The following ANO5 variants were observed in gnomAD, a reference collection of about 807,000 sequenced individuals.
ANO5 encodes anoctamin-5.
Under a neutral mutation model 121.0 loss-of-function variants are expected in ANO5, and 109 were observed. That is an observed-to-expected ratio of 0.90 (90% confidence interval 0.77 to 1.06). The LOEUF (loss-of-function observed/expected upper bound fraction) is 1.06, where lower values mean the gene tolerates loss of function less well. Among genes scored for constraint, ANO5 ranks in the 50% least tolerant of loss-of-function variants. ANO5 has a pLI of 0.00. For synonymous variants in ANO5, 406 were observed against 359.9 expected (o/e 1.13, Z -1.45); for missense variants, 1,064 against 1,078.5 (o/e 0.99, Z 0.19).
intron 16 of ANO5, 64 bp downstream of exon 16, chr11:22,262,362 G>A: frequency 3.9e-6 from 6 of 1,554,748 alleles, no homozygotes; most frequent in Non-Finnish European, 5.3e-6. Context: ...AACTTTCTGT[G>A]TGTCAAGCAC....
chr11:22,244,684 C>T (rs1853559231), intron 9 of ANO5, among the ~76,000 whole-genome samples: 1 of 151,214 alleles, frequency 6.6e-6, no homozygotes, highest in African/African-American at 2.4e-5. Flanking sequence ...TTAATGCTTC[C>T]TGTTGTATTA....
intron 9 of ANO5, among the ~76,000 whole-genome samples, chr11:22,248,986 A>C (rs1051882277): frequency 2.0e-5 from 3 of 152,034 alleles, no homozygotes; most frequent in Non-Finnish European, 4.4e-5. Flanking sequence ...TTTCAGAAAA[A>C]AACTGGGAGA....
intron 17 of ANO5, among the ~76,000 whole-genome samples, chr11:22,267,642 G>T (rs1388184147): frequency 8.2e-6 from 1 of 121,870 alleles, no homozygotes; most frequent in African/African-American, 3.2e-5. Flanking sequence ...ACTGTTCAGA[G>T]GTACATGTGC....
chr11:22,227,127 TG>T lies in ANO5; in HGVS notation c.364-174del, dbSNP rs1323053182. ...ATATGTATACATATATACATGTTTTTGTAACTATATGTTTTGTGAATTTTGT... is the reference window on the plus strand; with the variant it reads ...ATATGTATACATATATACATGTTTTTTAACTATATGTTTTGTGAATTTTGT... On this transcript the variant is annotated intron_variant, in intron 6 of 21. Coordinates refer to ENST00000324559, the MANE Select transcript of ANO5 (RefSeq NM_213599.3). 7.3e-5 allele frequency among the ~76,000 whole-genome samples: 11 copies of T among 150,974 alleles called. No individual in the cohort carries two copies. The East Asian group carries it at 2.1e-3, about 29-fold the overall frequency.
At chr11:22,276,268 C>A (rs945652516) in intron 21 of ANO5, 69 bp downstream of exon 21, 1 of 1,277,890 alleles carries the variant, frequency 7.8e-7, no homozygotes, top group Non-Finnish European at 1.1e-6. Flanking sequence ...TAAAGGTAAC[C>A]TCTCATCAGA....
At chr11:22,227,987 C>T (rs780623175) in intron 7 of ANO5, among the ~76,000 whole-genome samples, 6 of 152,006 alleles carry the variant, frequency 3.9e-5, no homozygotes, top group Non-Finnish European at 8.8e-5. Context: ...TGTTTTAATT[C>T]CTTTATATAT....
Position 22,270,491 on chromosome 11 carries a change from G to T in ANO5, c.2029+49G>T, listed in dbSNP as rs774025260. On this transcript the variant is annotated intron_variant, in intron 18 of 21. Coordinates refer to ENST00000324559, the MANE Select transcript of ANO5 (RefSeq NM_213599.3). ...AACATAGAGTTGGCATGAATGAGTG[G>T]TTTTTCAGCTCCAGATACTTCTTTC... 4.4e-6 allele frequency: 7 copies of T among 1,608,460 alleles called. No homozygotes were observed. The African/African-American group carries it at 6.7e-5, about 15-fold the overall frequency.
At position 22,227,345 on chromosome 11, in the gene ANO5, C is replaced by T. The variant is rs1165635377; in HGVS notation, c.407C>T (p.Pro136Leu). ...ACTTATTTTGTCAAGATCCATGCCC[C>T]TTGGGAGGTATTAGTTACCTATGCT... is the stretch of plus-strand genomic sequence containing the variant. The part of the protein sequence containing the change: ...GRTYFVKIHA[P>L]WEVLVTYAEV... The change falls in exon 7 of 22, where the codon CCT (proline) becomes CTT (leucine). Residue 136 changes from proline to leucine, a missense_variant. Physicochemically the swap from Pro to Leu is moderately conservative, Grantham distance 98. Coordinates refer to ENST00000324559, the MANE Select transcript of ANO5 (RefSeq NM_213599.3). The T allele has an allele frequency of 1.2e-6, 2 of 1,613,068 alleles. No individual in the cohort carries two copies. The highest frequency in any genetic ancestry group is 1.3e-5 in the African/African-American group (1 of 74,690).
At chr11:22,218,139 A>ACT in intron 3 of ANO5, 107 bp from the exon 4 acceptor site, 10 of 1,221,566 alleles carry the variant, frequency 8.2e-6, no homozygotes, top group Non-Finnish European at 1.2e-5. Context: ...ACACACACAC[A>ACT]CTTATAAAAT....
intron 3 of ANO5, among the ~76,000 whole-genome samples, chr11:22,213,372 T>C (rs1852342418): frequency 6.6e-6 from 1 of 151,958 alleles, no homozygotes; most frequent in Non-Finnish European, 1.5e-5. Context: ...TTGATTTTTA[T>C]ATCCTTCACA....
chr11:22,226,063 T>C lies in ANO5; in HGVS notation c.363+11T>C. ...ATAGAAGACAAAAGGGTAAATGTAGTTGATAATTTATACAAGCCTCTTTAA... is the reference window on the plus strand; with the variant it reads ...ATAGAAGACAAAAGGGTAAATGTAGCTGATAATTTATACAAGCCTCTTTAA... On this transcript the variant is annotated intron_variant, in intron 6 of 21. Transcript: ENST00000324559. 1 of 1,588,506 alleles carries C rather than the reference T, an allele frequency of 6.3e-7. No individual in the cohort carries two copies. The highest frequency in any genetic ancestry group is 2.2e-5 in the East Asian group (1 of 44,574).
rs78266558 is a variant in ANO5 at position 22,227,554 on chromosome 11, A to G, written c.616A>G (p.Thr206Ala). ...GCTCTTCCTCATCGAAGATCAGGCA[A>G]CCTTCTTTCCATCCTCATCAAGAAA... ...QELFLIEDQA[T>A]FFPSSSRNRI... The change falls in exon 7 of 22, where the codon ACC becomes GCC. Residue 206 changes from threonine to alanine, a missense_variant. Transcript: ENST00000324559. 2,565 of 1,613,462 alleles carry G rather than the reference A, an allele frequency of 1.6e-3. 43 individuals are homozygous for G. In the African/African-American group the frequency reaches 0.029, roughly 18 times the overall value.
At chr11:22,255,908 G>A (rs1411431293) in intron 13 of ANO5, among the ~76,000 whole-genome samples, 1 of 152,134 alleles carries the variant, frequency 6.6e-6, no homozygotes, top group Admixed American at 6.5e-5. Flanking sequence ...AAAATAATGT[G>A]TATGCTGTGG....
chr11:22,238,332 T>A (rs1037763242), intron 8 of ANO5, among the ~76,000 whole-genome samples: 9 of 150,922 alleles, frequency 6.0e-5, no homozygotes, highest in African/African-American at 2.2e-4. Context: ...TTTTAGGGCA[T>A]TAGTTCTATT....
chr11:22,226,583 A>G (rs1436800846), intron 6 of ANO5, among the ~76,000 whole-genome samples: 1 of 152,116 alleles, frequency 6.6e-6, no homozygotes, highest in Non-Finnish European at 1.5e-5. Flanking sequence ...AAAATAAAAA[A>G]TTAGTTGGGC....
At chr11:22,268,212 G>A (rs929120868) in intron 17 of ANO5, among the ~76,000 whole-genome samples, 3 of 151,396 alleles carry the variant, frequency 2.0e-5, no homozygotes, top group South Asian at 2.1e-4. Flanking sequence ...GATTTTACAT[G>A]GAAAAATAAT....
At chr11:22,249,315 T>C (rs1853723226) in intron 9 of ANO5, among the ~76,000 whole-genome samples, 1 of 152,058 alleles carries the variant, frequency 6.6e-6, no homozygotes, top group Non-Finnish European at 1.5e-5. Context: ...TATGTGTTCT[T>C]GTTAAGCATA....
chr11:22,241,811 T>A (rs2133673997), intron 9 of ANO5, among the ~76,000 whole-genome samples: 1 of 152,240 alleles, frequency 6.6e-6, no homozygotes, highest in Non-Finnish European at 1.5e-5. Context: ...GATGTGTAGT[T>A]TGTGAATGTT....
In ANO5 at chr11:22,239,634, T is replaced by G. The variant is rs761221167; in HGVS notation, c.828T>G (p.Asn276Lys). 6.2e-7 allele frequency: 1 copy of G among 1,612,986 alleles called. No homozygotes were observed. Among genetic ancestry groups the G allele is most frequent in the Admixed American group, 1.7e-5 (1 of 59,972 alleles). The change falls in exon 9 of 22, where the codon AAT becomes AAG. Residue 276 changes from asparagine to lysine, a missense_variant. By Grantham distance (94) the Asn-to-Lys change is moderately conservative. Coordinates refer to ENST00000324559, the MANE Select transcript of ANO5 (RefSeq NM_213599.3). The stretch of plus-strand genomic sequence containing the variant: ...ATGAAAGATACACACTTCACCAGAA[T>G]TGGGCTCGATTTTCCTATTTCTACA... ...PTNERYTLHQNWARFSYFYKE... is the reference protein window; with the variant it reads ...PTNERYTLHQKWARFSYFYKE...
Sources: gnomAD v4.1 joint callset for allele counts (sites outside exome capture counted in the v4.1 genomes callset) on GRCh38, gnomAD v4.1.1 for gene constraint, MANE v1.5 for transcripts, NCBI Gene and HGNC (gene_info 2026-07-23, HGNC 2026-07-21) for gene names.